The following EYS variants were observed in gnomAD, a reference collection of about 807,000 sequenced individuals.
EYS encodes EGF-like photoreceptor maintenance factor.
Under a neutral mutation model 282.1 loss-of-function variants are expected in EYS, and 250 were observed. That is an observed-to-expected ratio of 0.89 (90% CI 0.80 to 0.98). The LOEUF (loss-of-function observed/expected upper bound fraction) is 0.98, where lower values mean the gene tolerates loss of function less well. EYS is among the 50% of genes least tolerant of loss of function. The pLI is 0.00. For missense variants in EYS, 4,016 were observed against 3,709.0 expected (o/e 1.08, Z -2.15); for synonymous variants, 1,355 against 1,282.9 (o/e 1.06, Z -1.20).
chr6:64,004,260 T>A (rs1429450804), intron 33 of EYS, among the ~76,000 whole-genome samples: 1 of 152,136 alleles, frequency 6.6e-6, no homozygotes, highest in Non-Finnish European at 1.5e-5. Flanking sequence ...TGTCTATGAA[T>A]TTTTTTATTC....
At chr6:64,861,954 C>T (rs1348097922) in intron 19 of EYS, among the ~76,000 whole-genome samples, 16 of 152,006 alleles carry the variant, frequency 1.1e-4, no homozygotes, top group South Asian at 4.1e-4. Context: ...TTCTTCTCTC[C>T]GAATAATTTT....
At chr6:65,293,682 C>T (rs1655518703) in intron 12 of EYS, among the ~76,000 whole-genome samples, 1 of 151,944 alleles carries the variant, frequency 6.6e-6, no homozygotes, top group South Asian at 2.1e-4. Flanking sequence ...AGGATCACCC[C>T]AGACATGCTG....
chr6:65,643,619 C>G (rs1252958252), intron 1 of EYS, among the ~76,000 whole-genome samples: 1 of 152,174 alleles, frequency 6.6e-6, no homozygotes, highest in Non-Finnish European at 1.5e-5. Context: ...TGGAGGGCAA[C>G]CAACACAAAA....
intron 5 of EYS, among the ~76,000 whole-genome samples, chr6:65,470,707 AC>A (rs1368312546): frequency 6.6e-6 from 1 of 152,202 alleles, no homozygotes; most frequent in Non-Finnish European, 1.5e-5. Flanking sequence ...ATATGTTAGT[AC>A]TATAATCAAA....
intron 2 of EYS, among the ~76,000 whole-genome samples, chr6:65,564,325 A>C (rs1769189504): frequency 6.6e-6 from 1 of 152,150 alleles, no homozygotes; most frequent in Non-Finnish European, 1.5e-5. Context: ...AGACAATCCT[A>C]AGCAAAAAGA....
At chr6:64,567,813 T>C (rs899579880) in intron 26 of EYS, among the ~76,000 whole-genome samples, 34 of 152,216 alleles carry the variant, frequency 2.2e-4, no homozygotes, top group African/African-American at 8.0e-4. Context: ...TTTCCAGCCA[T>C]AATGTTATAA....
chr6:64,435,648 A>G (rs911603839), intron 28 of EYS, among the ~76,000 whole-genome samples: 2 of 149,768 alleles, frequency 1.3e-5, no homozygotes, highest in Non-Finnish European at 2.9e-5. Context: ...TTTACTAAAA[A>G]TCAAATGAGA....
chr6:65,520,159 G>T (rs561148047), intron 2 of EYS, among the ~76,000 whole-genome samples: 2 of 152,026 alleles, frequency 1.3e-5, no homozygotes, highest in Non-Finnish European at 2.9e-5. Flanking sequence ...TATAGAAAAT[G>T]TGTACTTGCA....
chr6:65,495,246 T>C lies in EYS; in HGVS notation c.165A>G (p.Arg55=). The change falls in exon 4 of 43, where the codon AGA becomes AGG. Residue 55 remains arginine (R), a synonymous_variant. Coordinates refer to ENST00000503581, the MANE Select transcript of EYS (RefSeq NM_001142800.2). ...TGTTTACACCCAAAAACCAGCAATC[T>C]CTGTAGAAGTCCAAGCAGATGTTTT... ...LTENICLDFY[R]DCWFLGVNTK... The C allele has an allele frequency of 6.2e-7, 1 of 1,614,176 alleles. No individual in the cohort carries two copies. The highest frequency in any genetic ancestry group is 1.1e-5 in the South Asian group (1 of 91,088).
At chr6:65,498,652 C>A (rs76578868) in intron 2 of EYS, among the ~76,000 whole-genome samples, 3,153 of 151,528 alleles carry the variant, frequency 0.021, 48 homozygotes, top group Non-Finnish European at 0.029. Flanking sequence ...ATGAAAATAG[C>A]AGCAAAGGAA....
chr6:65,520,790 A>G (rs1187907110), intron 2 of EYS, among the ~76,000 whole-genome samples: 1 of 152,054 alleles, frequency 6.6e-6, no homozygotes, highest in Non-Finnish European at 1.5e-5. Context: ...ATTGTCTGCA[A>G]TGCTTCTTCT....
At chr6:64,222,692 T>G (rs1766138595) in intron 31 of EYS, among the ~76,000 whole-genome samples, 1 of 152,076 alleles carries the variant, frequency 6.6e-6, no homozygotes, top group Non-Finnish European at 1.5e-5. Flanking sequence ...TTTAGTTATC[T>G]GAAAATGTGT....
At chr6:64,662,085 G>A (rs1452953746) in intron 22 of EYS, among the ~76,000 whole-genome samples, 1 of 151,814 alleles carries the variant, frequency 6.6e-6, no homozygotes, top group East Asian at 1.9e-4. Context: ...CCTTTGTAGG[G>A]ACATGGATGA....
chr6:63,828,488 C>CT (rs1277132357), intron 36 of EYS, among the ~76,000 whole-genome samples: 1 of 152,122 alleles, frequency 6.6e-6, no homozygotes, highest in Non-Finnish European at 1.5e-5. Context: ...AAAAATACAA[C>CT]CCTTCCAGCA....
chr6:65,314,745 T>A (rs534058894), intron 11 of EYS, among the ~76,000 whole-genome samples: 1 of 152,050 alleles, frequency 6.6e-6, no homozygotes, highest in Non-Finnish European at 1.5e-5. Context: ...CCAATGATGA[T>A]GATGGGAACA....
intron 26 of EYS, among the ~76,000 whole-genome samples, chr6:64,448,122 A>G (rs1775181179): frequency 6.6e-6 from 1 of 152,202 alleles, no homozygotes; most frequent in South Asian, 2.1e-4. Flanking sequence ...GAAAGGGGTG[A>G]CAGATGGCAC....
At chr6:63,810,079 T>TAAA (rs59987621) in intron 36 of EYS, among the ~76,000 whole-genome samples, 1 of 136,408 alleles carries the variant, frequency 7.3e-6, no homozygotes, top group African/African-American at 2.7e-5. Flanking sequence ...GCCTCTACTT[T>TAAA]AAAAAAAAAA....
chr6:65,119,632 T>TTTTTTTG (rs1775470328), intron 12 of EYS, among the ~76,000 whole-genome samples: 1 of 146,954 alleles, frequency 6.8e-6, no homozygotes. Flanking sequence ...CTTTTTATCT[T>TTTTTTTG]TTTTTTTTTT....
chr6:63,942,890 A>T (rs1765285892), intron 35 of EYS, among the ~76,000 whole-genome samples: 1 of 152,178 alleles, frequency 6.6e-6, no homozygotes, highest in Non-Finnish European at 1.5e-5. Flanking sequence ...GAAGACAAGG[A>T]GGATGAAGGC....
Sources: allele counts gnomAD v4.1 joint callset (sites outside exome capture counted in the v4.1 genomes callset), GRCh38; gene constraint gnomAD v4.1.1; transcripts MANE v1.5; gene names NCBI Gene and HGNC (gene_info 2026-07-23, HGNC 2026-07-21).